The following FHAD1 variants were observed in gnomAD, a reference collection of about 807,000 sequenced individuals.
FHAD1 encodes forkhead-associated domain-containing protein 1.
A neutral mutation model predicts 191.3 loss-of-function variants in FHAD1; 146 were observed. The ratio of observed to expected loss-of-function variants is 0.76; its 90% CI spans 0.67 to 0.88. The LOEUF (loss-of-function observed/expected upper bound fraction) is 0.88. Ranked by LOEUF, FHAD1 falls within the 40% of genes least tolerant of loss-of-function variation. FHAD1 has a pLI of 0.00. For synonymous variants in FHAD1, 616 were observed against 672.3 expected (o/e 0.92, Z 1.29); for missense variants, 1,635 against 1,785.8 (o/e 0.92, Z 1.52).
At chr1:15,253,907 T>C (rs939043314) in intron 2 of FHAD1, among the ~76,000 whole-genome samples, 2 of 152,210 alleles carry the variant, frequency 1.3e-5, no homozygotes, top group African/African-American at 4.8e-5. Flanking sequence ...AAGCATTCTG[T>C]CTTTCATCAT....
rs1482069695 is a variant in FHAD1 at position 15,367,637 on chromosome 1, G to A, written c.3314+15G>A. On this transcript the variant is annotated intron_variant, in intron 25 of 33. Coordinates refer to ENST00000688493, the MANE Select transcript of FHAD1 (RefSeq NM_001391957.1). ...GAGGCACTCAGGTTGGGTGGGCGGG[G>A]GCCGGGTTGGGGGGATGGTTTGCCT... 1 of 1,519,912 alleles carries A rather than the reference G, an allele frequency of 6.6e-7. No homozygotes were observed. The highest frequency in any genetic ancestry group is 8.9e-7 in the Non-Finnish European group (1 of 1,128,188). The allele number at this position is 1,519,912 out of a possible 1,614,324, so 94.2% of individuals were successfully genotyped here.
At chr1:15,375,823 A>C in intron 28 of FHAD1, 93 bp downstream of exon 28, 1 of 1,336,282 alleles carries the variant, frequency 7.5e-7, no homozygotes. Flanking sequence ...ACAGCCATAC[A>C]TGTCAGTGGT....
chr1:15,241,104 A>G lies in FHAD1; in HGVS notation c.-15+4343A>G, dbSNP rs150616152. ...ACAGGACCGTGCTGAGCCCTGCCCA[A>G]TTCCTGACCCACAGAATCTGTGAGA... On this transcript the variant is annotated intron_variant, in intron 1 of 33. Coordinates refer to the FHAD1 transcript ENST00000683790. Among the ~76,000 whole-genome samples, 212 of 152,258 alleles carry G rather than the reference A, an allele frequency of 1.4e-3. 1 individual carries two copies. The highest frequency in any genetic ancestry group is 4.8e-3 in the African/African-American group (200 of 41,542).
chr1:15,293,022 A>G (rs1189047681), intron 4 of FHAD1, among the ~76,000 whole-genome samples: 1 of 152,240 alleles, frequency 6.6e-6, no homozygotes, highest in African/African-American at 2.4e-5. Context: ...ACCTGAGCAT[A>G]TTAATACAAG....
In FHAD1 at chr1:15,360,605, C is replaced by T. The variant is rs1290010039; in HGVS notation, c.2864C>T (p.Ala955Val). The change falls in exon 22 of 34, where the codon GCC becomes GTC. Residue 955 changes from alanine (A) to valine (V), a missense_variant. Physicochemically the swap from Ala to Val is moderately conservative, Grantham distance 64 (BLOSUM62 0). Coordinates refer to ENST00000688493, the MANE Select transcript of FHAD1 (RefSeq NM_001391957.1). Reference sequence around the variant, plus strand: ...TATAAGGAGCAAATCAAACAGCACGCCCAGACAATTGTGAGCCTCGAAGAG... The same window carrying T: ...TATAAGGAGCAAATCAAACAGCACGTCCAGACAATTGTGAGCCTCGAAGAG... ...MEYKEQIKQH[A>V]QTIVSLEEKL... 6.4e-6 allele frequency: 10 copies of T among 1,551,958 alleles called. No individual in the cohort carries two copies. Among genetic ancestry groups the T allele is most frequent in the African/African-American group, 2.7e-5 (2 of 73,034 alleles).
chr1:15,392,357 C>T (rs1027270085), intron 33 of FHAD1, among the ~76,000 whole-genome samples: 1 of 152,068 alleles, frequency 6.6e-6, no homozygotes, highest in Non-Finnish European at 1.5e-5. Context: ...ACGGTGAAAC[C>T]CCGTCTTTAC....
intron 3 of FHAD1, among the ~76,000 whole-genome samples, chr1:15,279,529 A>G (rs1274714106): frequency 6.5e-5 from 9 of 138,580 alleles, no homozygotes; most frequent in African/African-American, 2.4e-4. Context: ...TTTCTTGCCT[A>G]TTAAACTTTC....
At chr1:15,273,928 C>T (rs540661094) in intron 3 of FHAD1, among the ~76,000 whole-genome samples, 2 of 152,304 alleles carry the variant, frequency 1.3e-5, no homozygotes, top group East Asian at 3.9e-4. Flanking sequence ...TAACGACCAC[C>T]GTTCTACTTC....
rs1024761782 is a variant in FHAD1 at position 15,311,173 on chromosome 1, C to T, written c.1040-1884C>T. Among the ~76,000 whole-genome samples, 22 of 152,106 alleles carry T rather than the reference C, an allele frequency of 1.4e-4. No homozygotes were observed. Among genetic ancestry groups the T allele is most frequent in the Admixed American group, 3.9e-4 (6 of 15,268 alleles). ...GCCAGACAGAGCCCAGTGGTCAGCCCGACTTGAGGAGATGGAGGTGGAGAA... is the reference window on the plus strand; with the variant it reads ...GCCAGACAGAGCCCAGTGGTCAGCCTGACTTGAGGAGATGGAGGTGGAGAA... On this transcript the variant is annotated intron_variant, in intron 7 of 33. Coordinates refer to ENST00000688493, the MANE Select transcript of FHAD1 (RefSeq NM_001391957.1). This position sits in a 1 kb window ranked among gnomAD's most constrained non-coding sequence, Gnocchi z 4.1.
chr1:15,383,187 A>G (rs1225550596), intron 31 of FHAD1: 3 of 471,508 alleles, frequency 6.4e-6, no homozygotes, highest in South Asian at 1.5e-5. Flanking sequence ...TGCCTCGCAG[A>G]CAGATGGTGA....
chr1:15,366,452 G>T (rs991156806), intron 24 of FHAD1, among the ~76,000 whole-genome samples: 1 of 152,190 alleles, frequency 6.6e-6, no homozygotes, highest in Non-Finnish European at 1.5e-5. Context: ...AGGGGCGCAG[G>T]GCACATTCTC....
At chr1:15,328,033 CAAA>C (rs35961851) in intron 12 of FHAD1, 173 of 119,748 alleles carry the variant, frequency 1.4e-3, no homozygotes, top group East Asian at 3.2e-3. Flanking sequence ...AACTCCGTCG[CAAA>C]AAAAAAAAAA....
chr1:15,338,750 C>G (rs1025601569), intron 14 of FHAD1, among the ~76,000 whole-genome samples: 1 of 152,192 alleles, frequency 6.6e-6, no homozygotes, highest in Non-Finnish European at 1.5e-5. Context: ...TGATCTCCCC[C>G]TCCTCTGACA....
At position 15,254,266 on chromosome 1, in the gene FHAD1, C is replaced by T. The variant is rs1248471706; in HGVS notation, c.93+2389C>T. The stretch of plus-strand genomic sequence containing the variant: ...AGAAAACTGTAGTAATTTTTAAAAG[C>T]ACAGGCTTTGGAGATAGACCTGGAT... On this transcript the variant is annotated intron_variant, in intron 2 of 33. Coordinates refer to ENST00000688493, the MANE Select transcript of FHAD1 (RefSeq NM_001391957.1). Among the ~76,000 whole-genome samples the T allele has an allele frequency of 2.6e-5, 4 of 152,282 alleles. No individual in the cohort carries two copies. In the South Asian group the frequency reaches 8.3e-4, roughly 32 times the overall value.
chr1:15,354,398 AC>A (rs970429897), intron 20 of FHAD1, among the ~76,000 whole-genome samples: 1 of 152,148 alleles, frequency 6.6e-6, no homozygotes, highest in Admixed American at 6.5e-5. Flanking sequence ...GCCTTGAGTA[AC>A]TGGCATGTGT....
downstream of FHAD1, among the ~76,000 whole-genome samples, chr1:15,401,383 C>T (rs892285929): frequency 6.6e-6 from 1 of 152,222 alleles, no homozygotes; most frequent in Admixed American, 6.5e-5. Context: ...AAGCTACCAG[C>T]AGTCTTTCCC....
intron 14 of FHAD1, among the ~76,000 whole-genome samples, chr1:15,334,920 G>A (rs1683369863): frequency 6.6e-6 from 1 of 152,158 alleles, no homozygotes; most frequent in African/African-American, 2.4e-5. Context: ...GTGGGCCTCG[G>A]GTCCCGGCTG....
upstream of FHAD1, among the ~76,000 whole-genome samples, chr1:15,244,645 TC>T (rs904132108): frequency 3.9e-5 from 6 of 152,052 alleles, no homozygotes; most frequent in African/African-American, 9.7e-5. This position sits in a 1 kb window ranked among gnomAD's most constrained non-coding sequence, Gnocchi z 5.1. Context: ...GGCAGGGGCT[TC>T]CCCCTGCATA....
intron 6 of FHAD1, chr1:15,305,632 G>T (rs1670227593): frequency 4.4e-6 from 1 of 228,028 alleles, no homozygotes; most frequent in Non-Finnish European, 9.0e-6. Context: ...CCAGCAGGAG[G>T]TAATTGAATC....
Sources: gnomAD v4.1 joint callset for allele counts (sites outside exome capture counted in the v4.1 genomes callset) on GRCh38, gnomAD v4.1.1 for gene constraint, Gnocchi (gnomAD v3.1) non-coding constraint, MANE v1.5 for transcripts, NCBI Gene and HGNC (gene_info 2026-07-23, HGNC 2026-07-21) for gene names.